The following ABCC9 variants were observed in gnomAD, a reference collection of about 807,000 sequenced individuals.
The protein encoded by ABCC9 is ATP binding cassette subfamily C member 9.
A neutral mutation model predicts 188.3 loss-of-function variants in ABCC9; 95 were observed. The observed-to-expected ratio is 0.50, with a 90% CI of 0.43 to 0.60. The LOEUF (loss-of-function observed/expected upper bound fraction) is 0.60. Among genes scored for constraint, ABCC9 ranks in the 20% least tolerant of loss-of-function variants. The pLI is 0.00. For missense variants in ABCC9, 1,102 were observed against 1,876.3 expected, an observed-to-expected ratio of 0.59 and a Z score of 7.62; for synonymous variants, 659 against 652.7, an observed-to-expected ratio of 1.01 and a Z score of -0.15.
intron 31 of ABCC9, chr12:21,826,995 A>G: frequency 2.6e-6 from 1 of 387,490 alleles, no homozygotes; most frequent in Non-Finnish European, 3.5e-6. Flanking sequence ...AAAGTAACCA[A>G]ATGAATGGCC....
chr12:21,845,078 C>T lies in ABCC9; in HGVS notation c.3097-163G>A, dbSNP rs55849264. ...TTTTTTGAGGCCCAGGGTAGTATCC[C>T]CACCATAATTCCACAGGCCAAGCCT... On this transcript the variant is annotated intron_variant, in intron 26 of 39. Coordinates refer to ENST00000261200, the MANE Select transcript of ABCC9 (RefSeq NM_020297.4). 0.059 allele frequency among the ~76,000 whole-genome samples: 9,045 copies of T among 152,156 alleles called. 432 individuals carry two copies. The highest frequency in any genetic ancestry group is 0.13 in the African/African-American group (5,501 of 41,502).
At position 21,895,305 on chromosome 12, in the gene ABCC9, A is replaced by G. The variant is rs1248599692; in HGVS notation, c.1629T>C (p.Asn543=). The change falls in exon 13 of 40, where the codon AAT becomes AAC. Residue 543 remains asparagine, a synonymous_variant. Coordinates refer to ENST00000261200, the MANE Select transcript of ABCC9 (RefSeq NM_020297.4). ...ALYTSLSIFM[N]AAIPIAAVLA... is the part of the protein sequence containing the mutation. ...GAACAGCTGCTATGGGAATTGCTGC[A>G]TTCATGAAGACTGTGGAAAGAAATA... The G allele has an allele frequency of 6.2e-6, 10 of 1,613,618 alleles. No individual in the cohort carries two copies. In the African/African-American group the frequency reaches 1.3e-4, roughly 22 times the overall value.
At chr12:21,803,596 G>A (rs927830012) in intron 39 of ABCC9, among the ~76,000 whole-genome samples, 4 of 150,568 alleles carry the variant, frequency 2.7e-5, no homozygotes, top group East Asian at 2.0e-4. Flanking sequence ...CGGAGGTTGC[G>A]GTGAGCTGAG....
chr12:21,937,181 AAT>A (rs1160854822), intron 2 of ABCC9, among the ~76,000 whole-genome samples: 1 of 152,172 alleles, frequency 6.6e-6, no homozygotes, highest in Non-Finnish European at 1.5e-5. Flanking sequence ...GGGAAATACT[AAT>A]ATACAGAAAC....
chr12:21,926,960 C>T (rs1371485300), intron 4 of ABCC9, among the ~76,000 whole-genome samples: 1 of 152,062 alleles, frequency 6.6e-6, no homozygotes, highest in Non-Finnish European at 1.5e-5. Flanking sequence ...GATATTAGTA[C>T]ATAAATGGTA....
At chr12:21,926,321 G>A (rs886543352) in intron 4 of ABCC9, among the ~76,000 whole-genome samples, 1 of 152,140 alleles carries the variant, frequency 6.6e-6, no homozygotes, top group Non-Finnish European at 1.5e-5. Flanking sequence ...CAAATGTATA[G>A]CTACTCCTAT....
chr12:21,834,786 TACACACACACACACAC>T lies in ABCC9; in HGVS notation c.3566+3276_3566+3291del, dbSNP rs61211269. On this transcript the variant is annotated intron_variant, in intron 30 of 39. Coordinates refer to ENST00000261200, the MANE Select transcript of ABCC9 (RefSeq NM_020297.4). ...TATACATATAGCATATATAACATTA[TACACACACACACACAC>T]ACACACACACACACACACACACACA... 5.6e-5 allele frequency among the ~76,000 whole-genome samples: 8 copies of T among 141,600 alleles called. 1 individual carries two copies. The highest frequency in any genetic ancestry group is 7.8e-5 in the African/African-American group (3 of 38,282). 92.9% of individuals were successfully genotyped at this position (141,600 alleles called of 152,430 possible).
chr12:21,801,246 A>G, intron 39 of ABCC9, 65 bp from the exon 40 acceptor site: 5 of 1,596,940 alleles, frequency 3.1e-6, no homozygotes, highest in Non-Finnish European at 4.3e-6. Context: ...ACAATGGAAT[A>G]TGTATATTTC....
intron 2 of ABCC9, among the ~76,000 whole-genome samples, chr12:21,940,088 C>T (rs1295498333): frequency 2.6e-5 from 4 of 152,146 alleles, no homozygotes; most frequent in Non-Finnish European, 4.4e-5. Context: ...TTTATTGTGG[C>T]CAGCCCTGTC....
intron 3 of ABCC9, among the ~76,000 whole-genome samples, chr12:21,935,633 C>T (rs796644305): frequency 5.9e-5 from 9 of 152,124 alleles, no homozygotes; most frequent in African/African-American, 2.2e-4. Context: ...ACACAATCAA[C>T]TCAAAATAGT....
At chr12:21,863,838 A>T (rs1481572199) in intron 19 of ABCC9, among the ~76,000 whole-genome samples, 1 of 152,180 alleles carries the variant, frequency 6.6e-6, no homozygotes, top group African/African-American at 2.4e-5. Context: ...GTTAAAAGAG[A>T]GCAAGGTTAA....
At chr12:21,862,663 C>T (rs1275991870) in intron 20 of ABCC9, among the ~76,000 whole-genome samples, 5 of 152,094 alleles carry the variant, frequency 3.3e-5, no homozygotes, top group Admixed American at 6.6e-5. Context: ...ACAACCTAAG[C>T]AACACATCCT....
intron 31 of ABCC9, among the ~76,000 whole-genome samples, chr12:21,822,866 T>C (rs1943139671): frequency 6.6e-6 from 1 of 151,910 alleles, no homozygotes; most frequent in Admixed American, 6.6e-5. Flanking sequence ...ACAAGTTTAA[T>C]GATTCACAAA....
At chr12:21,853,980 T>C (rs1043675738) in intron 22 of ABCC9, among the ~76,000 whole-genome samples, 19 of 152,196 alleles carry the variant, frequency 1.2e-4, no homozygotes, top group Admixed American at 9.2e-4. Context: ...GCTTCTCCAA[T>C]AGGTAATATG....
rs74070311 is a variant in ABCC9, at chr12:21,829,586, T to A, written c.3567-526A>T. ...TAGAGATGGTGTGGTCAGGTGTTTA[T>A]TTCCTTTCTTATACCCTTACTAGGA... is the stretch of plus-strand genomic sequence containing the variant. On this transcript the variant is annotated intron_variant, in intron 30 of 39. Coordinates refer to ENST00000261200, the MANE Select transcript of ABCC9 (RefSeq NM_020297.4). 1.8e-3 allele frequency among the ~76,000 whole-genome samples: 269 copies of A among 152,324 alleles called. 1 individual carries two copies. Among genetic ancestry groups the A allele is most frequent in the African/African-American group, 6.1e-3 (254 of 41,580 alleles).
At chr12:21,917,728 T>C (rs1948659096) in intron 5 of ABCC9, among the ~76,000 whole-genome samples, 1 of 152,158 alleles carries the variant, frequency 6.6e-6, no homozygotes, top group Non-Finnish European at 1.5e-5. Context: ...AGGCAAGGAT[T>C]ACACTGCCGC....
At chr12:21,830,053 G>A (rs1166628798) in intron 30 of ABCC9, among the ~76,000 whole-genome samples, 1 of 152,066 alleles carries the variant, frequency 6.6e-6, no homozygotes. Context: ...TGTACTTTCA[G>A]GGTTCTATGA....
At chr12:21,832,657 C>G (rs971568575) in intron 30 of ABCC9, among the ~76,000 whole-genome samples, 1 of 151,092 alleles carries the variant, frequency 6.6e-6, no homozygotes, top group African/African-American at 2.4e-5. Context: ...AAAGGGAACA[C>G]ATTTACACTG....
chr12:21,827,738 T>C (rs954248230), intron 31 of ABCC9, among the ~76,000 whole-genome samples: 2 of 152,226 alleles, frequency 1.3e-5, no homozygotes, highest in Non-Finnish European at 2.9e-5. Flanking sequence ...CTTCCAACTG[T>C]CACAGCTACC....
Sources: gnomAD v4.1 joint callset for allele counts (sites outside exome capture counted in the v4.1 genomes callset) on GRCh38, gnomAD v4.1.1 for gene constraint, MANE v1.5 for transcripts, NCBI Gene and HGNC (gene_info 2026-07-23, HGNC 2026-07-21) for gene names.